Variants in FOXP1 observed in about 807,000 individuals in gnomAD.
FOXP1 encodes forkhead box protein P1.
In FOXP1, 15 loss-of-function variants were observed where a neutral mutation model predicts 98.2. That is an observed-to-expected ratio of 0.15 (90% confidence interval 0.10 to 0.24). FOXP1 has a LOEUF of 0.24. FOXP1 is among the 10% of genes least tolerant of loss of function. The pLI, the probability that FOXP1 is intolerant of heterozygous loss-of-function variation, is 1.00. For missense variants in FOXP1, 633 were observed against 848.5 expected (o/e 0.75, Z 3.15); for synonymous variants, 371 against 314.5 (o/e 1.18, Z -1.90).
At chr3:71,508,264 T>C (rs1405875684) in intron 2 of FOXP1, among the ~76,000 whole-genome samples, 1 of 152,220 alleles carries the variant, frequency 6.6e-6, no homozygotes, top group African/African-American at 2.4e-5. Context: ...GATTTGGTTT[T>C]TAGATTCTTT....
At chr3:71,561,500 T>C (rs1353787302) in intron 2 of FOXP1, among the ~76,000 whole-genome samples, 1 of 149,046 alleles carries the variant, frequency 6.7e-6, no homozygotes, top group Non-Finnish European at 1.5e-5. Context: ...TTAGATGAAA[T>C]AGGAAAAGAT....
intron 2 of FOXP1, among the ~76,000 whole-genome samples, chr3:71,526,230 A>C (rs933498836): frequency 6.6e-6 from 1 of 152,220 alleles, no homozygotes. Flanking sequence ...ACACTGATAC[A>C]TGATGAGCTA....
chr3:71,510,829 T>C (rs1030161165), intron 2 of FOXP1, among the ~76,000 whole-genome samples: 1 of 152,202 alleles, frequency 6.6e-6, no homozygotes, highest in East Asian at 1.9e-4. Flanking sequence ...AAGCTGAAGG[T>C]CATTTTTAAA....
intron 14 of FOXP1, among the ~76,000 whole-genome samples, chr3:70,978,785 C>G (rs192656874): frequency 1.3e-5 from 2 of 151,848 alleles, no homozygotes; most frequent in African/African-American, 2.4e-5. Flanking sequence ...TTATGAATAA[C>G]CTTTATTAAA....
chr3:70,978,167 G>A (rs143727705), intron 14 of FOXP1, 138 bp from the exon 15 acceptor site: 18 of 723,482 alleles, frequency 2.5e-5, no homozygotes, highest in African/African-American at 8.7e-5. Flanking sequence ...ACCATGAACC[G>A]AAACACACGG....
intron 6 of FOXP1, among the ~76,000 whole-genome samples, chr3:71,153,545 G>GA (rs11343142): frequency 0.044 from 4,698 of 106,580 alleles, 300 homozygotes; most frequent in African/African-American, 0.16. Context: ...CCATGCTTGA[G>GA]AAAAAAAAAA....
intron 11 of FOXP1, among the ~76,000 whole-genome samples, chr3:71,025,414 G>C (rs1428526986): frequency 6.6e-6 from 1 of 152,120 alleles, no homozygotes; most frequent in African/African-American, 2.4e-5. Context: ...CAAGGATCTT[G>C]GGTGTTCCCT....
intron 2 of FOXP1, among the ~76,000 whole-genome samples, chr3:71,504,820 G>A (rs553265196): frequency 1.6e-4 from 24 of 152,326 alleles, no homozygotes; most frequent in Admixed American, 9.2e-4. Context: ...CAATGCGGTC[G>A]TAGGACTTTT....
At chr3:71,488,914 T>C (rs2090861928) in intron 3 of FOXP1, among the ~76,000 whole-genome samples, 1 of 152,220 alleles carries the variant, frequency 6.6e-6, no homozygotes, top group African/African-American at 2.4e-5. Context: ...AAACATATTA[T>C]GTAGTTTATT....
intron 3 of FOXP1, among the ~76,000 whole-genome samples, chr3:71,418,723 T>C (rs2083402810): frequency 6.6e-6 from 1 of 152,118 alleles, no homozygotes. Flanking sequence ...AAAGATTAAT[T>C]TGAGGCAACA....
At chr3:70,981,719 A>G (rs1369774147) in intron 14 of FOXP1, among the ~76,000 whole-genome samples, 5 of 152,236 alleles carry the variant, frequency 3.3e-5, no homozygotes, top group African/African-American at 1.2e-4. Flanking sequence ...CCAAGTCTCA[A>G]TAGAGGAGCT....
At chr3:71,583,401 T>C (rs1161601945) in intron 1 of FOXP1, 170 bp downstream of exon 1, 119 of 920,326 alleles carry the variant, frequency 1.3e-4, no homozygotes, top group Non-Finnish European at 1.5e-4. Flanking sequence ...GAGATGCACG[T>C]GGAGCCTGGA....
At chr3:71,039,284 A>T (rs1201242161) in intron 11 of FOXP1, among the ~76,000 whole-genome samples, 1 of 152,182 alleles carries the variant, frequency 6.6e-6, no homozygotes, top group Non-Finnish European at 1.5e-5. Context: ...AGTATGATGA[A>T]GATTAAGCAC....
intron 2 of FOXP1, among the ~76,000 whole-genome samples, chr3:71,577,068 C>T (rs538086687): frequency 2.6e-5 from 4 of 152,308 alleles, no homozygotes; most frequent in South Asian, 2.1e-4. Flanking sequence ...AACAACAGTG[C>T]GTGCGAAGAA....
intron 14 of FOXP1, among the ~76,000 whole-genome samples, chr3:70,981,345 G>A (rs2038824987): frequency 6.6e-6 from 1 of 152,142 alleles, no homozygotes; most frequent in African/African-American, 2.4e-5. Context: ...AGAGAGCAGA[G>A]AGGGGGCTTA....
At chr3:70,987,254 T>G (rs752986880) in intron 14 of FOXP1, among the ~76,000 whole-genome samples, 3 of 152,224 alleles carry the variant, frequency 2.0e-5, no homozygotes, top group African/African-American at 7.2e-5. Flanking sequence ...GAGATCGATT[T>G]ATTACAAGGA....
Position 70,958,239 on chromosome 3 carries a change from ACACCCCTCCCCCGAAC to A in FOXP1, c.*992_*1007del, listed in dbSNP as rs1208820712. The A allele has an allele frequency of 6.0e-5, 29 of 482,502 alleles. No homozygotes were observed. The highest frequency in any genetic ancestry group is 3.1e-4 in the Middle Eastern group (1 of 3,264). 29.9% of individuals were successfully genotyped at this position (482,502 alleles called of 1,614,324 possible). ...AGAAAAGAAAAAAAGAAAATCCGAA[ACACCCCTCCCCCGAAC>A]CACCCCCAATACTGCTGCGTGGAAT... On this transcript the variant is annotated 3_prime_UTR_variant, in exon 21 of 21. Transcript: ENST00000649528.
chr3:71,467,106 TTA>T (rs1040064971), intron 3 of FOXP1, among the ~76,000 whole-genome samples: 3 of 152,204 alleles, frequency 2.0e-5, no homozygotes, highest in African/African-American at 7.2e-5. Flanking sequence ...GGAAACATTA[TTA>T]TATGTGTGTG....
At chr3:71,017,180 G>A (rs889377789) in intron 11 of FOXP1, among the ~76,000 whole-genome samples, 2 of 152,056 alleles carry the variant, frequency 1.3e-5, no homozygotes, top group African/African-American at 4.8e-5. Context: ...GGGTAAAACT[G>A]CATTGGACTC....
Sources: gnomAD v4.1 joint callset for allele counts (sites outside exome capture counted in the v4.1 genomes callset) on GRCh38, gnomAD v4.1.1 for gene constraint, MANE v1.5 for transcripts, NCBI Gene and HGNC (gene_info 2026-07-23, HGNC 2026-07-21) for gene names.